SIN3A: variants seen among roughly 807,000 people sequenced by gnomAD.
SIN3A encodes SIN3 transcription regulator family member A.
SIN3A carries 14 observed loss-of-function variants against 146.1 expected under a neutral mutation model. The observed-to-expected ratio is 0.10, with a 90% CI of 0.06 to 0.15. The LOEUF (loss-of-function observed/expected upper bound fraction) is 0.15, where lower values mean the gene tolerates loss of function less well. SIN3A is among the 10% of genes least tolerant of loss of function. The probability of loss-of-function intolerance (pLI) is 1.00; values close to 1 mark genes in which losing one functional copy is unlikely to be tolerated. For missense variants in SIN3A, 1,028 were observed against 1,576.0 expected, an observed-to-expected ratio of 0.65 and a Z score of 5.89; for synonymous variants, 572 against 572.0, an observed-to-expected ratio of 1.00 and a Z score of 0.00.
At position 75,370,147 on chromosome 15, in the gene SIN3A, AG is replaced by A. The variant is rs1165567020; in HGVS notation, c.*1831del. ...CAGCTACTCAGGAGGCCGAGGTGGG[AG>A]GACTGCTTGAGCCTGGGAGGTCAAG... On this transcript the variant is annotated 3_prime_UTR_variant, in exon 21 of 21. Coordinates refer to ENST00000394947, the MANE Select transcript of SIN3A (RefSeq NM_001145358.2). The A allele has an allele frequency of 6.6e-6, 1 of 152,582 alleles. No individual in the cohort carries two copies. Among genetic ancestry groups the A allele is most frequent in the Non-Finnish European group, 1.5e-5 (1 of 68,132 alleles). The allele number at this position is 152,582 out of a possible 1,614,324, so 9.5% of individuals were successfully genotyped here. A position where few individuals can be genotyped will look rare whatever the true frequency, so the allele number is the denominator to read the frequency against.
rs370168283 is a variant in SIN3A, at chr15:75,392,300, C to T, written c.2793G>A (p.Leu931=). The T allele has an allele frequency of 4.2e-5, 67 of 1,614,044 alleles. No individual in the cohort carries two copies. Among genetic ancestry groups the T allele is most frequent in the Non-Finnish European group, 5.6e-5 (66 of 1,180,040 alleles). The change falls in exon 15 of 21, where the codon CTG becomes CTA. Residue 931 remains leucine, a synonymous_variant. Coordinates refer to ENST00000394947, the MANE Select transcript of SIN3A (RefSeq NM_001145358.2). Reference sequence around the variant, plus strand: ...TGTCACTCTTGTCTCGCTTTATGCCCAGCACTTCCCGTTCCCATTCTCTCT... The same window carrying T: ...TGTCACTCTTGTCTCGCTTTATGCCTAGCACTTCCCGTTCCCATTCTCTCT... ...NREREWEREV[L]GIKRDKSDSP...
intron 1 of SIN3A, among the ~76,000 whole-genome samples, chr15:75,447,059 G>A (rs376439925): frequency 1.6e-4 from 24 of 152,262 alleles, no homozygotes; most frequent in African/African-American, 5.3e-4. Context: ...GGGCCACCGC[G>A]CCCAGCTCAT....
At chr15:75,443,907 T>C (rs538490393) in intron 1 of SIN3A, among the ~76,000 whole-genome samples, 1 of 152,304 alleles carries the variant, frequency 6.6e-6, no homozygotes, top group South Asian at 2.1e-4. Context: ...CGAGGCCCCA[T>C]CTCTAAAAAC....
chr15:75,409,104 T>A (rs2073576368), intron 8 of SIN3A, among the ~76,000 whole-genome samples: 1 of 151,830 alleles, frequency 6.6e-6, no homozygotes, highest in South Asian at 2.1e-4. Context: ...CTCAGGAGGC[T>A]GCGGCAGGAT....
chr15:75,442,389 T>A (rs1279886812), intron 1 of SIN3A, among the ~76,000 whole-genome samples: 3 of 149,782 alleles, frequency 2.0e-5, no homozygotes, highest in Non-Finnish European at 4.4e-5. Context: ...CCCAGGCTGG[T>A]CTCGAACGTC....
At chr15:75,396,517 G>A in intron 12 of SIN3A, 21 bp from the exon 13 acceptor site, 1 of 1,560,962 alleles carries the variant, frequency 6.4e-7, no homozygotes, top group Non-Finnish European at 8.8e-7. Context: ...AGACAAAGAA[G>A]GGTATGCTCA....
At chr15:75,454,019 G>A (rs912348895), upstream of SIN3A, 1 of 152,246 alleles carries the variant, frequency 6.6e-6, no homozygotes, top group Non-Finnish European at 1.5e-5. Context: ...GCTCAAGAGC[G>A]GAGGGAGGCG....
At chr15:75,402,718 T>A (rs771259055) in intron 9 of SIN3A, among the ~76,000 whole-genome samples, 2 of 152,116 alleles carry the variant, frequency 1.3e-5, no homozygotes, top group Non-Finnish European at 1.5e-5. Flanking sequence ...CACTGCAACC[T>A]CTGCCTCCTG....
At chr15:75,429,328 C>T (rs28458273) in intron 2 of SIN3A, among the ~76,000 whole-genome samples, 2,067 of 152,074 alleles carry the variant, frequency 0.014, 41 homozygotes, top group African/African-American at 0.047. Context: ...GGCTAGGGCA[C>T]GGGAGGACTG....
intron 1 of SIN3A, among the ~76,000 whole-genome samples, chr15:75,439,507 A>AT (rs555711749): frequency 2.2e-4 from 32 of 148,498 alleles, no homozygotes; most frequent in African/African-American, 3.0e-4. Flanking sequence ...CGCCTGGCTA[A>AT]TTTTTTTTTT....
In SIN3A at chr15:75,408,399, C is replaced by T. The variant is rs200828701; in HGVS notation, c.1318-1255G>A. 1.2e-4 allele frequency among the ~76,000 whole-genome samples: 19 copies of T among 152,328 alleles called. No homozygotes were observed. The East Asian group carries it at 3.5e-3, about 28-fold the overall frequency. The stretch of plus-strand genomic sequence containing the variant: ...TCAAAAGTGTCAGTAACACCTAGTA[C>T]GTCAGACCTTGTAGTCAGTCAATCA... On this transcript the variant is annotated intron_variant, in intron 8 of 20. Transcript: ENST00000394947.
intron 2 of SIN3A, 132 bp from the exon 3 acceptor site, chr15:75,422,955 A>C: frequency 1.2e-6 from 1 of 842,774 alleles, no homozygotes; most frequent in Non-Finnish European, 1.8e-6. Context: ...GTGATGGCTC[A>C]CACCTATCTC....
intron 1 of SIN3A, among the ~76,000 whole-genome samples, chr15:75,439,272 TTGGCCCAAAA>T (rs2074158469): frequency 6.6e-6 from 1 of 152,046 alleles, no homozygotes; most frequent in African/African-American, 2.4e-5. Context: ...AACAAATTAT[TTGGCCCAAAA>T]TGTCAACAGT....
intron 9 of SIN3A, among the ~76,000 whole-genome samples, chr15:75,406,079 C>T (rs192878834): frequency 4.0e-4 from 61 of 152,260 alleles, no homozygotes; most frequent in Non-Finnish European, 8.1e-4. Flanking sequence ...TGCCCTTCTG[C>T]AAAACCCAAG....
intron 1 of SIN3A, among the ~76,000 whole-genome samples, chr15:75,432,139 C>T (rs1642617194): frequency 6.6e-6 from 1 of 152,118 alleles, no homozygotes; most frequent in Admixed American, 6.6e-5. Flanking sequence ...GCTTAGTATT[C>T]AAAAACCTTT....
In SIN3A at chr15:75,392,814, C is replaced by T; in HGVS notation, c.2279G>A (p.Arg760Lys). Residue 760 changes from arginine (R) to lysine (K), a missense_variant and splice_region_variant, in exon 15 of 21, where the codon AGG (arginine) becomes AAG (lysine). This residue lies in a region of SIN3A where 488 missense variants were observed against 690.2 expected (regional missense o/e 0.71). Transcript: ENST00000394947. ...LNEIESIYDE[R>K]QEQATEENAG... ...ATTCTCCTCCGTAGCCTGCTCTTGC[C>T]TCTGATGGGACAGAGACACAAAAGT... 2 of 1,603,114 alleles carry T rather than the reference C, an allele frequency of 1.2e-6. No individual in the cohort carries two copies. The highest frequency in any genetic ancestry group is 1.7e-6 in the Non-Finnish European group (2 of 1,174,490).
In SIN3A at chr15:75,394,669, C is replaced by A; in HGVS notation, c.2277+11G>T. 1 of 1,594,288 alleles carries A rather than the reference C, an allele frequency of 6.3e-7. No individual in the cohort carries two copies. The highest frequency in any genetic ancestry group is 1.7e-4 in the Middle Eastern group (1 of 5,940). On this transcript the variant is annotated intron_variant, in intron 14 of 20. Transcript: ENST00000394947. Reference sequence around the variant, plus strand: ...AGAGTCCTCTCACAGATGCAGAAACCCCCCGCTCACCTCATCATAGATACT... The same window carrying A: ...AGAGTCCTCTCACAGATGCAGAAACACCCCGCTCACCTCATCATAGATACT...
At chr15:75,450,856 C>T (rs554555519) in intron 1 of SIN3A, among the ~76,000 whole-genome samples, 1 of 152,306 alleles carries the variant, frequency 6.6e-6, no homozygotes, top group African/African-American at 2.4e-5. Flanking sequence ...GCCAAGGAGG[C>T]GGAAACCCGG....
Position 75,372,137 on chromosome 15 carries a change from C to T in SIN3A, c.3664G>A (p.Val1222Met). Residue 1222 changes from valine to methionine, a missense_variant, in exon 21 of 21, where the codon GTG becomes ATG. This residue lies in a region of SIN3A where 488 missense variants were observed against 690.2 expected (regional missense o/e 0.71). Coordinates refer to ENST00000394947, the MANE Select transcript of SIN3A (RefSeq NM_001145358.2). ...GTCTCTGCTGCCATTTCACGGGGCA[C>T]ATGCTCCTTGGTCCATTTATCTACC... ...AWVDKWTKEH[V>M]PREMAAETSK... The T allele has an allele frequency of 6.2e-7, 1 of 1,614,202 alleles. No individual in the cohort carries two copies. The highest frequency in any genetic ancestry group is 8.5e-7 in the Non-Finnish European group (1 of 1,180,048).
Sources: gnomAD v4.1 joint callset for allele counts (sites outside exome capture counted in the v4.1 genomes callset) on GRCh38, gnomAD v4.1.1 for gene constraint, gnomAD v4.1.1 regional missense constraint, MANE v1.5 for transcripts, NCBI Gene and HGNC (gene_info 2026-07-23, HGNC 2026-07-21) for gene names.